The following KIFAP3 variants were observed in gnomAD, a reference collection of about 807,000 sequenced individuals.
The protein encoded by KIFAP3 is kinesin-associated protein 3.
Under a neutral mutation model 106.5 loss-of-function variants are expected in KIFAP3, and 68 were observed. That is an observed-to-expected ratio of 0.64 (90% CI 0.53 to 0.78). The LOEUF (loss-of-function observed/expected upper bound fraction) is 0.78. Ranked by LOEUF, KIFAP3 falls within the 30% of genes least tolerant of loss-of-function variation. KIFAP3 has a pLI of 0.00. For synonymous variants in KIFAP3, 320 were observed against 311.5 expected, an observed-to-expected ratio of 1.03 and a Z score of -0.29; for missense variants, 780 against 941.8, an observed-to-expected ratio of 0.83 and a Z score of 2.25.
intron 17 of KIFAP3, among the ~76,000 whole-genome samples, chr1:169,968,543 T>C (rs1051591050): frequency 7.9e-5 from 12 of 152,098 alleles, no homozygotes; most frequent in East Asian, 1.9e-4. Flanking sequence ...TCTGGATTAA[T>C]TTAGTTGCTC....
At chr1:170,037,123 A>G (rs1669730063) in intron 5 of KIFAP3, among the ~76,000 whole-genome samples, 1 of 152,226 alleles carries the variant, frequency 6.6e-6, no homozygotes, top group Non-Finnish European at 1.5e-5. Context: ...TATATCATCA[A>G]ATAAACCAAT....
intron 19 of KIFAP3, among the ~76,000 whole-genome samples, chr1:169,923,907 T>G (rs1662973061): frequency 6.6e-6 from 1 of 152,204 alleles, no homozygotes; most frequent in African/African-American, 2.4e-5. Flanking sequence ...CTGGCCTTTT[T>G]GCAGTTTGGT....
At chr1:170,024,769 T>A in intron 8 of KIFAP3, 173 bp from the exon 9 acceptor site, 1 of 428,656 alleles carries the variant, frequency 2.3e-6, no homozygotes, top group Admixed American at 4.2e-5. Flanking sequence ...TGTTACTGAA[T>A]GGGATATGTG....
chr1:170,074,956 A>C (rs962413820), upstream of KIFAP3, among the ~76,000 whole-genome samples: 2 of 152,246 alleles, frequency 1.3e-5, no homozygotes, highest in African/African-American at 4.8e-5. Flanking sequence ...ACAGCAGTCC[A>C]GCTAATAAGG....
chr1:170,068,615 G>T (rs1331087082), intron 1 of KIFAP3: 1 of 150,392 alleles, frequency 6.6e-6, no homozygotes, highest in African/African-American at 2.4e-5. Flanking sequence ...GCATAATGAG[G>T]GTATGAAAGG....
intron 1 of KIFAP3, among the ~76,000 whole-genome samples, chr1:170,058,075 A>T (rs750478928): frequency 6.6e-6 from 1 of 152,112 alleles, no homozygotes; most frequent in African/African-American, 2.4e-5. Flanking sequence ...AGTGTTCTTA[A>T]TTATTAACTT....
intron 15 of KIFAP3, among the ~76,000 whole-genome samples, chr1:169,978,659 C>A (rs1666354932): frequency 6.6e-6 from 1 of 151,820 alleles, no homozygotes; most frequent in Non-Finnish European, 1.5e-5. Context: ...TAATATCATA[C>A]AAAGTAATTT....
chr1:170,016,031 A>T (rs942531772), intron 10 of KIFAP3, among the ~76,000 whole-genome samples: 15 of 152,170 alleles, frequency 9.9e-5, no homozygotes, highest in Admixed American at 2.0e-4. Flanking sequence ...TATTAAAAAA[A>T]ATATACCCTT....
intron 3 of KIFAP3, chr1:170,041,961 T>A: frequency 1.1e-6 from 1 of 872,966 alleles, no homozygotes; most frequent in Non-Finnish European, 1.6e-6. Flanking sequence ...TTTAGAGTTC[T>A]GACTTATCAG....
At chr1:170,065,476 T>C (rs1256832039) in intron 1 of KIFAP3, among the ~76,000 whole-genome samples, 1 of 151,832 alleles carries the variant, frequency 6.6e-6, no homozygotes, top group Non-Finnish European at 1.5e-5. Flanking sequence ...TAGCTGGGCA[T>C]GGTGGCGGGC....
chr1:169,978,037 T>C (rs980947414), intron 16 of KIFAP3, 48 bp downstream of exon 16: 1 of 1,260,276 alleles, frequency 7.9e-7, no homozygotes, highest in Non-Finnish European at 1.1e-6. Flanking sequence ...ATGCATCTTT[T>C]CTGAATATGT....
At chr1:169,953,386 T>A (rs922484380) in intron 19 of KIFAP3, among the ~76,000 whole-genome samples, 1 of 152,206 alleles carries the variant, frequency 6.6e-6, no homozygotes, top group African/African-American at 2.4e-5. Flanking sequence ...TCTGTTCTCA[T>A]TTTATATTTT....
chr1:170,069,865 AAAG>A (rs778799101), intron 1 of KIFAP3, among the ~76,000 whole-genome samples: 20 of 152,206 alleles, frequency 1.3e-4, no homozygotes, highest in East Asian at 7.7e-4. Flanking sequence ...CCAGATTGAA[AAAG>A]AAGAAGTAAA....
rs369174216 is a variant in KIFAP3, at chr1:170,071,008, A to T, written c.32+3428T>A. ...GAAAAGCTCAATGTCATTAGTAATT[A>T]GGGAAAGGCAAATCAATACCAAAAT... is the stretch of plus-strand genomic sequence containing the variant. On this transcript the variant is annotated intron_variant, in intron 1 of 19. Coordinates refer to ENST00000361580, the MANE Select transcript of KIFAP3 (RefSeq NM_014970.4). Among the ~76,000 whole-genome samples the T allele has an allele frequency of 2.6e-5, 4 of 152,356 alleles. No homozygotes were observed. In the East Asian group the frequency reaches 7.7e-4, roughly 29 times the overall value.
At chr1:169,963,493 A>G (rs1364014552) in intron 17 of KIFAP3, among the ~76,000 whole-genome samples, 1 of 151,464 alleles carries the variant, frequency 6.6e-6, no homozygotes, top group African/African-American at 2.4e-5. Context: ...CTTTTCTTTT[A>G]CCTTTTTTTT....
chr1:170,029,003 AC>A (rs1669261254), intron 8 of KIFAP3, among the ~76,000 whole-genome samples: 2 of 152,202 alleles, frequency 1.3e-5, no homozygotes, highest in South Asian at 2.1e-4. Flanking sequence ...TCATAAAAAA[AC>A]ACACTTAATA....
At chr1:169,941,840 T>G (rs1664136898) in intron 19 of KIFAP3, among the ~76,000 whole-genome samples, 1 of 152,158 alleles carries the variant, frequency 6.6e-6, no homozygotes. Context: ...ATGCCTCAAT[T>G]GAGAGGTTTC....
At chr1:170,042,447 T>C (rs950599790) in intron 3 of KIFAP3, among the ~76,000 whole-genome samples, 5 of 152,218 alleles carry the variant, frequency 3.3e-5, no homozygotes, top group Admixed American at 1.3e-4. Context: ...AAAAAATCAC[T>C]GTCTCCTGCA....
At chr1:169,999,319 C>T (rs901106372) in intron 10 of KIFAP3, among the ~76,000 whole-genome samples, 2 of 152,038 alleles carry the variant, frequency 1.3e-5, no homozygotes, top group Non-Finnish European at 2.9e-5. Flanking sequence ...TGTAGCTAAC[C>T]GGCTATGATT....
Sources: allele counts gnomAD v4.1 joint callset (sites outside exome capture counted in the v4.1 genomes callset), GRCh38; gene constraint gnomAD v4.1.1; transcripts MANE v1.5; gene names NCBI Gene and HGNC (gene_info 2026-07-23, HGNC 2026-07-21).